Variants in IQCB1 observed in about 807,000 individuals in gnomAD.
IQCB1 encodes IQ calmodulin-binding motif-containing protein 1.
A neutral mutation model predicts 84.4 loss-of-function variants in IQCB1; 56 were observed. The ratio of observed to expected loss-of-function variants is 0.66; its 90% confidence interval spans 0.54 to 0.83. The LOEUF is 0.83. Ranked by LOEUF, IQCB1 falls within the 40% of genes least tolerant of loss-of-function variation. The pLI is 0.00. For synonymous variants in IQCB1, 210 were observed against 234.8 expected (o/e 0.89, Z 0.96); for missense variants, 629 against 682.1 (o/e 0.92, Z 0.87).
At chr3:121,792,182 C>G (rs1949006089) in intron 10 of IQCB1, among the ~76,000 whole-genome samples, 1 of 152,160 alleles carries the variant, frequency 6.6e-6, no homozygotes, top group South Asian at 2.1e-4. Flanking sequence ...TTTTAAATAC[C>G]ATTTTACACT....
chr3:121,804,443 T>G (rs1949530134), intron 7 of IQCB1, among the ~76,000 whole-genome samples: 1 of 152,170 alleles, frequency 6.6e-6, no homozygotes, highest in South Asian at 2.1e-4. Context: ...AGTGTTGGTC[T>G]GCTGGTGATT....
intron 5 of IQCB1, among the ~76,000 whole-genome samples, chr3:121,817,095 C>A (rs1275984079): frequency 1.3e-5 from 2 of 152,180 alleles, no homozygotes; most frequent in African/African-American, 2.4e-5. Context: ...AGAATGAGTT[C>A]ATGTCCTTTG....
intron 11 of IQCB1, among the ~76,000 whole-genome samples, chr3:121,789,218 G>A (rs1306945169): frequency 6.6e-6 from 1 of 152,172 alleles, no homozygotes; most frequent in Non-Finnish European, 1.5e-5. Flanking sequence ...ATCCACAAGT[G>A]GCTACTTGGG....
chr3:121,776,374 G>T (rs925231658), intron 13 of IQCB1, among the ~76,000 whole-genome samples: 9 of 152,134 alleles, frequency 5.9e-5, no homozygotes, highest in East Asian at 5.8e-4. Context: ...ATATCTAGGA[G>T]TAGAATGGCT....
At chr3:121,814,304 A>G (rs1365938901) in intron 5 of IQCB1, among the ~76,000 whole-genome samples, 2 of 152,226 alleles carry the variant, frequency 1.3e-5, no homozygotes, top group Non-Finnish European at 2.9e-5. Context: ...AAATGCCCAC[A>G]GGAGAAAGTG....
At chr3:121,805,087 G>C (rs1479720251) in intron 7 of IQCB1, among the ~76,000 whole-genome samples, 2 of 152,112 alleles carry the variant, frequency 1.3e-5, no homozygotes, top group Non-Finnish European at 2.9e-5. Context: ...ATGGAGTATG[G>C]TTATAATAAC....
chr3:121,793,200 T>C (rs1001357799), intron 10 of IQCB1, among the ~76,000 whole-genome samples: 1 of 151,994 alleles, frequency 6.6e-6, no homozygotes, highest in Non-Finnish European at 1.5e-5. Context: ...AATTGTGAGG[T>C]TTCTCTAAGA....
intron 4 of IQCB1, 35 bp downstream of exon 4, chr3:121,828,435 C>G (rs1206653573): frequency 3.2e-6 from 5 of 1,572,376 alleles, no homozygotes. Flanking sequence ...ACTACTACAT[C>G]CCTCAAGAAC....
At chr3:121,777,061 C>G (rs1482618912) in intron 13 of IQCB1, among the ~76,000 whole-genome samples, 2 of 152,136 alleles carry the variant, frequency 1.3e-5, no homozygotes, top group Non-Finnish European at 2.9e-5. Flanking sequence ...CAAGAAAGGT[C>G]ACAATATTTC....
At position 121,788,509 on chromosome 3, in the gene IQCB1, T is replaced by C. The variant is rs1576556426; in HGVS notation, c.1130-77A>G. ...AGTTCTGGAATCAGGACAATGATAA[T>C]AATAATCTTGCATTCTTTTTATTTT... On this transcript the variant is annotated intron_variant, in intron 11 of 14. Transcript: ENST00000310864. 3.1e-6 allele frequency: 4 copies of C among 1,292,140 alleles called. No homozygotes were observed. In the South Asian group the frequency reaches 3.6e-5, roughly 12 times the overall value. The allele number at this position is 1,292,140 out of a possible 1,614,324, so 80.0% of individuals were successfully genotyped here.
At chr3:121,833,021 T>A (rs2107470180) in intron 2 of IQCB1, among the ~76,000 whole-genome samples, 1 of 152,368 alleles carries the variant, frequency 6.6e-6, no homozygotes, top group South Asian at 2.1e-4. Context: ...TTGTCTATTC[T>A]TGAGCTAGTA....
chr3:121,771,703 T>C (rs897999455), intron 14 of IQCB1, among the ~76,000 whole-genome samples: 2 of 152,198 alleles, frequency 1.3e-5, no homozygotes, highest in Admixed American at 1.3e-4. Context: ...CAGCCATTTA[T>C]CCAATTTAAG....
chr3:121,800,545 T>C (rs1217167106), intron 7 of IQCB1, among the ~76,000 whole-genome samples: 1 of 151,934 alleles, frequency 6.6e-6, no homozygotes, highest in Non-Finnish European at 1.5e-5. Context: ...TTACATGCTA[T>C]TCCCTATGCC....
chr3:121,786,205 G>GAAAAGAAAAGAAAAGAAAAGAAAAT (rs1948730285), intron 12 of IQCB1, among the ~76,000 whole-genome samples: 1 of 148,004 alleles, frequency 6.8e-6, no homozygotes, highest in African/African-American at 2.5e-5. Context: ...GAAAAGAAAA[G>GAAAAGAAAAGAAAAGAAAAGAAAAT]AAAAGAAAAG....
At chr3:121,818,211 T>A (rs1416880353) in intron 5 of IQCB1, among the ~76,000 whole-genome samples, 1 of 152,222 alleles carries the variant, frequency 6.6e-6, no homozygotes, top group African/African-American at 2.4e-5. Context: ...TAAAGGAGTT[T>A]CAGCCTTGTA....
intron 12 of IQCB1, among the ~76,000 whole-genome samples, chr3:121,785,071 T>C (rs1200802321): frequency 1.3e-5 from 2 of 152,148 alleles, no homozygotes; most frequent in Non-Finnish European, 2.9e-5. Context: ...TTGATTTTTC[T>C]CTTTTAGCAA....
chr3:121,800,658 C>CCA (rs1949371018), intron 7 of IQCB1, among the ~76,000 whole-genome samples: 1 of 151,880 alleles, frequency 6.6e-6, no homozygotes, highest in Admixed American at 6.6e-5. Context: ...TATCCCTATC[C>CCA]CAATCTTATC....
chr3:121,781,983 AGT>A (rs1948516032), intron 12 of IQCB1, 109 bp from the exon 13 acceptor site: 1 of 1,097,552 alleles, frequency 9.1e-7, no homozygotes, highest in Non-Finnish European at 1.4e-6. Context: ...ATTAACTCTG[AGT>A]GTGTATAAGG....
chr3:121,797,602 C>T (rs923081724), intron 8 of IQCB1, among the ~76,000 whole-genome samples: 1 of 151,586 alleles, frequency 6.6e-6, no homozygotes, highest in Non-Finnish European at 1.5e-5. Context: ...AGATAAATTA[C>T]TACAGACACA....
Sources: gnomAD v4.1 joint callset for allele counts (sites outside exome capture counted in the v4.1 genomes callset) on GRCh38, gnomAD v4.1.1 for gene constraint, MANE v1.5 for transcripts, NCBI Gene and HGNC (gene_info 2026-07-23, HGNC 2026-07-21) for gene names.